ASB5: variants seen among roughly 807,000 people sequenced by gnomAD.
ASB5 encodes ankyrin repeat and SOCS box containing 5.
ASB5 carries 45 observed loss-of-function variants against 42.1 expected under a neutral mutation model. That is an observed-to-expected ratio of 1.07 (90% CI 0.84 to 1.37). The LOEUF is 1.37. Among genes scored for constraint, ASB5 ranks in the 40% most tolerant of loss-of-function variants. The pLI is 0.00. For synonymous variants in ASB5, 147 were observed against 150.6 expected, an observed-to-expected ratio of 0.98 and a Z score of 0.18; for missense variants, 402 against 399.8, an observed-to-expected ratio of 1.01 and a Z score of -0.05.
chr4:176,249,840 T>C (rs9683692), intron 1 of ASB5, among the ~76,000 whole-genome samples: 135,292 of 151,304 alleles, frequency 0.89, 60,640 homozygotes, highest in Non-Finnish European at 0.91. Flanking sequence ...CCGAGGCGGG[T>C]GGATCACGAG....
At chr4:176,219,601 TATATATATATATATATAG>T (rs1753140021) in intron 5 of ASB5, among the ~76,000 whole-genome samples, 1 of 83,424 alleles carries the variant, frequency 1.2e-5, no homozygotes, top group African/African-American at 3.4e-5. Flanking sequence ...TATATATATA[TATATATATATATATATAG>T]GCTGGAGTAC....
chr4:176,241,053 G>A (rs1477225580), intron 1 of ASB5, among the ~76,000 whole-genome samples: 1 of 152,076 alleles, frequency 6.6e-6, no homozygotes, highest in Non-Finnish European at 1.5e-5. Flanking sequence ...AAACTCCTAG[G>A]ATTATTTTGA....
chr4:176,271,065 C>T (rs767465017), upstream of ASB5, among the ~76,000 whole-genome samples: 6 of 152,132 alleles, frequency 3.9e-5, no homozygotes, highest in African/African-American at 9.7e-5. Context: ...CTGGAATCAT[C>T]GGTGCATTAA....
intron 1 of ASB5, among the ~76,000 whole-genome samples, chr4:176,229,178 C>T (rs1753457985): frequency 6.6e-6 from 1 of 152,148 alleles, no homozygotes; most frequent in African/African-American, 2.4e-5. Flanking sequence ...TAATTTATCT[C>T]TTAAACACAG....
intron 1 of ASB5, among the ~76,000 whole-genome samples, chr4:176,256,407 T>A (rs1754158189): frequency 6.6e-6 from 1 of 152,220 alleles, no homozygotes; most frequent in Admixed American, 6.5e-5. Flanking sequence ...AGACAGGCTT[T>A]GCAGTGGCCT....
rs1177462059 is a variant in ASB5 at position 176,231,854 on chromosome 4, C to CAAAACAAAAT, written c.197-6514_197-6513insATTTTGTTTT. Among the ~76,000 whole-genome samples the CAAAACAAAAT allele has an allele frequency of 7.6e-3, 1,147 of 151,134 alleles. 12 individuals carry two copies. Among genetic ancestry groups the CAAAACAAAAT allele is most frequent in the African/African-American group, 0.026 (1,081 of 41,168 alleles). On this transcript the variant is annotated intron_variant, in intron 1 of 6. Coordinates refer to ENST00000296525, the MANE Select transcript of ASB5 (RefSeq NM_080874.4). Reference sequence around the variant, plus strand: ...AGTGAGACTCTGTCTCAAAACAAAACAAAACAAATAAACAAAAAAGTCTTT... The same window carrying CAAAACAAAAT: ...AGTGAGACTCTGTCTCAAAACAAAACAAAACAAAATAAAACAAATAAACAAAAAAGTCTTT...
intron 6 of ASB5, 120 bp downstream of exon 6, chr4:176,216,698 A>G: frequency 5.7e-6 from 5 of 870,884 alleles, no homozygotes; most frequent in Non-Finnish European, 8.7e-6. Context: ...CTACTTTCAC[A>G]AATAATATTC....
At chr4:176,215,837 G>T (rs908658608) in intron 6 of ASB5, 110 bp from the exon 7 acceptor site, 7 of 1,062,910 alleles carry the variant, frequency 6.6e-6, no homozygotes, top group African/African-American at 1.6e-5. Flanking sequence ...AGTAAACCTA[G>T]GATAGCATGA....
Position 176,269,018 on chromosome 4 carries a change from CA to C in ASB5, c.90del (p.Phe30LeufsTer2). On this transcript the variant is annotated frameshift_variant, in exon 1 of 7. Transcript: ENST00000296525. LOFTEE classifies it high-confidence loss of function. ...CTGAGGATGGCAAGGCTGATTTTCA[CA>C]AAAAGCTTAAAACAGAACAGCGAAA... The part of the protein sequence containing the change: ...TILSLFCFKL[F>X]VKISLAILSH... 6.2e-7 allele frequency: 1 copy of C among 1,613,540 alleles called. No individual in the cohort carries two copies.
At chr4:176,221,635 A>G (rs756854906) in intron 3 of ASB5, 35 bp from the exon 4 acceptor site, 4 of 1,547,342 alleles carry the variant, frequency 2.6e-6, no homozygotes, top group South Asian at 1.2e-5. Flanking sequence ...CATAAGATTC[A>G]TAAGTCATAC....
chr4:176,233,552 G>C (rs1216048238), intron 1 of ASB5, among the ~76,000 whole-genome samples: 1 of 152,088 alleles, frequency 6.6e-6, no homozygotes, highest in African/African-American at 2.4e-5. Flanking sequence ...TGATAATATG[G>C]TCTCAAATTT....
Position 176,213,962 on chromosome 4 carries a change from T to G in ASB5, c.*1638A>C, listed in dbSNP as rs968814472. 1 of 152,160 alleles carries G rather than the reference T, an allele frequency of 6.6e-6. No homozygotes were observed. Among genetic ancestry groups the G allele is most frequent in the Non-Finnish European group, 1.5e-5 (1 of 67,982 alleles). 9.4% of individuals were successfully genotyped at this position (152,160 alleles called of 1,614,324 possible). A position where few individuals can be genotyped will look rare whatever the true frequency, so the allele number is the denominator to read the frequency against. On this transcript the variant is annotated 3_prime_UTR_variant, in exon 7 of 7. Transcript: ENST00000296525. ...CCCAAAAGCAGCTTTAATATCTGTT[T>G]AACCAGGTTATTCTATAATAAGAAC...
chr4:176,276,507 T>C (rs879934068), intron 1 of ASB5, among the ~76,000 whole-genome samples: 3 of 152,242 alleles, frequency 2.0e-5, no homozygotes, highest in Non-Finnish European at 4.4e-5. Context: ...CTCCATGGTA[T>C]GAAAGATAGC....
rs1188659137 is a variant in ASB5, at chr4:176,222,412, A to G, written c.285T>C (p.Asn95=). ...CATGGTCTAAGGTTACTGCATTTACATTATAACCCTAAATGTGGCATAATT... is the reference window on the plus strand; with the variant it reads ...CATGGTCTAAGGTTACTGCATTTACGTTATAACCCTAAATGTGGCATAATT... ...ALRTLLSQGY[N]VNAVTLDHVT... Residue 95 remains asparagine (N), a synonymous_variant, in exon 3 of 7, where the codon AAT becomes AAC. Coordinates refer to ENST00000296525, the MANE Select transcript of ASB5 (RefSeq NM_080874.4). 18 of 1,612,260 alleles carry G rather than the reference A, an allele frequency of 1.1e-5. No individual in the cohort carries two copies. The highest frequency in any genetic ancestry group is 2.7e-5 in the African/African-American group (2 of 74,880).
chr4:176,221,121 T>C (rs762953588), intron 5 of ASB5, 34 bp downstream of exon 5: 2 of 1,582,206 alleles, frequency 1.3e-6, no homozygotes, highest in African/African-American at 2.7e-5. Flanking sequence ...CTTGTGTGTA[T>C]GGACAGAATG....
At chr4:176,258,073 C>A (rs1754188771) in intron 1 of ASB5, among the ~76,000 whole-genome samples, 2 of 152,106 alleles carry the variant, frequency 1.3e-5, no homozygotes, top group Non-Finnish European at 2.9e-5. Context: ...TGATGCTTTC[C>A]TGTGTTACTA....
intron 1 of ASB5, among the ~76,000 whole-genome samples, chr4:176,236,143 C>T (rs1198538853): frequency 6.6e-6 from 1 of 151,586 alleles, no homozygotes; most frequent in Non-Finnish European, 1.5e-5. Context: ...ATGTGAGACT[C>T]ATCCAGGTGA....
chr4:176,256,956 C>A (rs1414162019), intron 1 of ASB5, among the ~76,000 whole-genome samples: 2 of 152,042 alleles, frequency 1.3e-5, no homozygotes, highest in Non-Finnish European at 2.9e-5. Context: ...CTGAAGAGAC[C>A]AGCTGGCAGA....
At chr4:176,271,540 A>G (rs1053805236), upstream of ASB5, among the ~76,000 whole-genome samples, 2 of 152,204 alleles carry the variant, frequency 1.3e-5, no homozygotes, top group East Asian at 1.9e-4. Flanking sequence ...TTAGCTCAGT[A>G]TATCTCAACT....
Sources: allele counts gnomAD v4.1 joint callset (sites outside exome capture counted in the v4.1 genomes callset), GRCh38; gene constraint gnomAD v4.1.1; transcripts MANE v1.5; gene names NCBI Gene and HGNC (gene_info 2026-07-23, HGNC 2026-07-21).